Variants in ZNF516 observed in about 807,000 individuals in gnomAD.
The protein encoded by ZNF516 is zinc finger protein 516.
Under a neutral mutation model 79.7 loss-of-function variants are expected in ZNF516, and 19 were observed. The observed-to-expected ratio is 0.24, with a 90% CI of 0.17 to 0.35. The LOEUF is 0.35. Among genes scored for constraint, ZNF516 ranks in the 10% least tolerant of loss-of-function variants. The probability of loss-of-function intolerance (pLI) is 1.00; values close to 1 mark genes in which losing one functional copy is unlikely to be tolerated. For missense variants in ZNF516, 1,678 were observed against 1,679.5 expected, an observed-to-expected ratio of 1.00 and a Z score of 0.02; for synonymous variants, 877 against 739.5, an observed-to-expected ratio of 1.19 and a Z score of -3.02.
chr18:76,406,764 C>T (rs2075309486), intron 3 of ZNF516, among the ~76,000 whole-genome samples: 3 of 152,124 alleles, frequency 2.0e-5, no homozygotes, highest in Admixed American at 1.3e-4. Context: ...TAAAATTACC[C>T]TCTTTCTCAC....
chr18:76,488,418 G>A (rs182688135), intron 1 of ZNF516, among the ~76,000 whole-genome samples: 103 of 151,858 alleles, frequency 6.8e-4, no homozygotes, highest in African/African-American at 2.3e-3. Context: ...AAGTCAGAGC[G>A]GCACACGTCC....
At chr18:76,479,002 G>A (rs1458477639) in intron 1 of ZNF516, among the ~76,000 whole-genome samples, 1 of 151,998 alleles carries the variant, frequency 6.6e-6, no homozygotes, top group African/African-American at 2.4e-5. Flanking sequence ...GTTGCAGTGA[G>A]CCGAGATCAT....
intron 3 of ZNF516, among the ~76,000 whole-genome samples, chr18:76,405,518 G>A (rs1599037945): frequency 6.6e-6 from 1 of 152,118 alleles, no homozygotes; most frequent in South Asian, 2.1e-4. Context: ...CCCAGCCCGG[G>A]AGGGGCGGCG....
intron 2 of ZNF516, among the ~76,000 whole-genome samples, chr18:76,449,352 C>T (rs1912258492): frequency 6.6e-6 from 1 of 152,238 alleles, no homozygotes; most frequent in Non-Finnish European, 1.5e-5. Flanking sequence ...ATGCTCTCCT[C>T]TGGCCCTCAG....
chr18:76,480,527 A>ATTTT (rs1171420795), intron 1 of ZNF516, among the ~76,000 whole-genome samples: 4 of 91,426 alleles, frequency 4.4e-5, no homozygotes, highest in Admixed American at 1.1e-4. Flanking sequence ...ACACACACAT[A>ATTTT]TATTTTTTTT....
intron 1 of ZNF516, chr18:76,490,173 A>T (rs1449910168): frequency 1.0e-6 from 1 of 985,298 alleles, no homozygotes; most frequent in East Asian, 1.1e-4. Context: ...CCCATTCAAG[A>T]TGGCCATGGG....
chr18:76,384,787 C>T (rs577306793), intron 3 of ZNF516, among the ~76,000 whole-genome samples: 212 of 152,236 alleles, frequency 1.4e-3, no homozygotes, highest in East Asian at 9.8e-4. Flanking sequence ...AGAAAAAGCA[C>T]TTCTGCTCCT....
intron 6 of ZNF516, among the ~76,000 whole-genome samples, chr18:76,368,454 A>T (rs1034074565): frequency 6.6e-6 from 1 of 152,042 alleles, no homozygotes; most frequent in African/African-American, 2.4e-5. Context: ...ACAGCAGGAG[A>T]CGCATACAAA....
At chr18:76,421,365 C>T (rs375806390) in intron 3 of ZNF516, among the ~76,000 whole-genome samples, 8 of 152,242 alleles carry the variant, frequency 5.3e-5, no homozygotes, top group African/African-American at 1.7e-4. Context: ...GTGATGGAGA[C>T]GCTGTGCTGG....
intron 3 of ZNF516, among the ~76,000 whole-genome samples, chr18:76,410,125 A>G (rs534600802): frequency 7.1e-4 from 108 of 152,258 alleles, no homozygotes; most frequent in Non-Finnish European, 1.3e-3. Context: ...TCCTTTATAA[A>G]TCACCCAGTC....
chr18:76,392,447 C>A (rs1013286212), intron 3 of ZNF516, among the ~76,000 whole-genome samples: 10 of 151,650 alleles, frequency 6.6e-5, no homozygotes, highest in Non-Finnish European at 1.0e-4. Flanking sequence ...GCCTGGGAAG[C>A]CCTTTGCATG....
At chr18:76,408,590 C>T (rs1302459084) in intron 3 of ZNF516, among the ~76,000 whole-genome samples, 1 of 152,164 alleles carries the variant, frequency 6.6e-6, no homozygotes, top group Non-Finnish European at 1.5e-5. Flanking sequence ...AAACTGAGGG[C>T]ACATGGCTCC....
rs546545018 is a variant in ZNF516 at position 76,421,206 on chromosome 18, G to A, written c.1810+20039C>T. ...TGAATTACACTTAGGAAGTCATTCT[G>A]CGTTTAGGCTGGTGCATATTGGAAA... On this transcript the variant is annotated intron_variant, in intron 3 of 6. Coordinates refer to ENST00000443185, the MANE Select transcript of ZNF516 (RefSeq NM_014643.4). 7.2e-5 allele frequency among the ~76,000 whole-genome samples: 11 copies of A among 152,330 alleles called. No individual in the cohort carries two copies. In the East Asian group the frequency reaches 9.6e-4, roughly 13 times the overall value.
intron 1 of ZNF516, among the ~76,000 whole-genome samples, chr18:76,477,271 T>A (rs1209575983): frequency 1.3e-5 from 2 of 152,204 alleles, no homozygotes; most frequent in African/African-American, 4.8e-5. Flanking sequence ...TGTTTCAATA[T>A]CATCTGACCT....
At chr18:76,394,921 C>T (rs1036789706) in intron 3 of ZNF516, among the ~76,000 whole-genome samples, 8 of 152,078 alleles carry the variant, frequency 5.3e-5, no homozygotes, top group African/African-American at 1.5e-4. Context: ...TGCCCAATCA[C>T]CACACACGCC....
Position 76,451,406 on chromosome 18 carries a change from T to C in ZNF516, c.-157-8195A>G, listed in dbSNP as rs1912405658. ...CACATCTCCGCTGACAGGGCATTCCTCAGGAGGGGCTGGAGTGAACGGGAG... is the reference window on the plus strand; with the variant it reads ...CACATCTCCGCTGACAGGGCATTCCCCAGGAGGGGCTGGAGTGAACGGGAG... On this transcript the variant is annotated intron_variant, in intron 2 of 6. Coordinates refer to ENST00000443185, the MANE Select transcript of ZNF516 (RefSeq NM_014643.4). The surrounding 1 kb of genome is among the most constrained non-coding windows in gnomAD (Gnocchi z 6.0). Among the ~76,000 whole-genome samples the C allele has an allele frequency of 6.6e-6, 1 of 151,972 alleles. No homozygotes were observed. The highest frequency in any genetic ancestry group is 2.4e-5 in the African/African-American group (1 of 41,354).
intron 2 of ZNF516, among the ~76,000 whole-genome samples, chr18:76,450,184 A>AGGC (rs1555714179): frequency 5.8e-5 from 6 of 103,294 alleles, no homozygotes; most frequent in Admixed American, 1.1e-4. Context: ...ATGAAACTAA[A>AGGC]GGGGGGGGGG....
intron 1 of ZNF516, among the ~76,000 whole-genome samples, chr18:76,488,654 G>A (rs1380863925): frequency 2.0e-5 from 3 of 152,276 alleles, no homozygotes; most frequent in Admixed American, 6.6e-5. Context: ...TGCTTTTGAA[G>A]AAGAAATATG....
In ZNF516 at chr18:76,358,317, G is replaced by C. The variant is rs2144825302; in HGVS notation, c.*4181C>G. On this transcript the variant is annotated 3_prime_UTR_variant, in exon 7 of 7. Transcript: ENST00000443185. ...AGAAATAGTTAAATACATCAATCTA[G>C]TTACAAATTCTAATATAAAGAGTAC... is the stretch of plus-strand genomic sequence containing the variant. 6.6e-6 allele frequency: 1 copy of C among 152,200 alleles called. No individual in the cohort carries two copies. The highest frequency in any genetic ancestry group is 2.1e-4 in the South Asian group (1 of 4,808). The allele number at this position is 152,200 out of a possible 1,614,324, so 9.4% of individuals were successfully genotyped here.
Sources: allele counts gnomAD v4.1 joint callset (sites outside exome capture counted in the v4.1 genomes callset), GRCh38; gene constraint gnomAD v4.1.1; non-coding constraint Gnocchi (gnomAD v3.1); transcripts MANE v1.5; gene names NCBI Gene and HGNC (gene_info 2026-07-23, HGNC 2026-07-21).